CFAP54: variants seen among roughly 807,000 people sequenced by gnomAD.
CFAP54 encodes cilia- and flagella-associated protein 54.
In CFAP54, 290 loss-of-function variants were observed where a neutral mutation model predicts 370.4. That is an observed-to-expected ratio of 0.78 (90% CI 0.71 to 0.86). The LOEUF (loss-of-function observed/expected upper bound fraction) is 0.86, where lower values mean the gene tolerates loss of function less well. Ranked by LOEUF, CFAP54 falls within the 40% of genes least tolerant of loss-of-function variation. The pLI, the probability that CFAP54 is intolerant of heterozygous loss-of-function variation, is 0.00. For missense variants in CFAP54, 3,399 were observed against 3,528.7 expected, an observed-to-expected ratio of 0.96 and a Z score of 0.93; for synonymous variants, 1,206 against 1,236.5, an observed-to-expected ratio of 0.98 and a Z score of 0.52.
At chr12:96,539,224 C>G (rs948755421) in intron 13 of CFAP54, among the ~76,000 whole-genome samples, 5 of 150,740 alleles carry the variant, frequency 3.3e-5, no homozygotes, top group Non-Finnish European at 7.4e-5. Flanking sequence ...CCACGGCCGG[C>G]TAATTTTTGT....
chr12:96,535,369 A>T (rs1376157315), intron 11 of CFAP54, 146 bp from the exon 12 acceptor site: 6 of 610,870 alleles, frequency 9.8e-6, no homozygotes, highest in Non-Finnish European at 1.7e-5. Flanking sequence ...TTTCATATAG[A>T]AGTATTTAAC....
At chr12:96,775,391 T>C (rs1036420967) in intron 60 of CFAP54, among the ~76,000 whole-genome samples, 11 of 152,154 alleles carry the variant, frequency 7.2e-5, no homozygotes, top group Non-Finnish European at 2.9e-5. Context: ...ATGGCGCTAC[T>C]GCACTCCAGC....
In CFAP54 at chr12:96,859,684, C is replaced by T. The variant is rs570916933; in HGVS notation, c.9172-1135C>T. 1.3e-3 allele frequency among the ~76,000 whole-genome samples: 194 copies of T among 152,278 alleles called. 1 individual carries two copies. The highest frequency in any genetic ancestry group is 2.3e-3 in the African/African-American group (95 of 41,562). ...CCTCCCAAAGTGTTGGGATTACAGG[C>T]GTGAGCCACCACACCTGACCCCAGG... On this transcript the variant is annotated intron_variant, in intron 66 of 67. Coordinates refer to ENST00000524981, the MANE Select transcript of CFAP54 (RefSeq NM_001306084.2).
rs898315281 is a variant in CFAP54 at position 96,564,640 on chromosome 12, A to G, written c.2498-4A>G. 17 of 642,290 alleles carry G rather than the reference A, an allele frequency of 2.6e-5. No homozygotes were observed. The highest frequency in any genetic ancestry group is 3.4e-4 in the Middle Eastern group (1 of 2,944). 39.8% of individuals were successfully genotyped at this position (642,290 alleles called of 1,614,324 possible). ...CCTTTTTGGTAAAATGTTTGTTTTT[A>G]TAGAATTAAATATAATGAATAAAAT... On this transcript the variant is annotated splice_polypyrimidine_tract_variant and splice_region_variant and intron_variant, in intron 18 of 67. Coordinates refer to ENST00000524981, the MANE Select transcript of CFAP54 (RefSeq NM_001306084.2).
chr12:96,652,198 A>G (rs1192904145), intron 36 of CFAP54, among the ~76,000 whole-genome samples: 1 of 152,182 alleles, frequency 6.6e-6, no homozygotes, highest in African/African-American at 2.4e-5. Context: ...GTCCTGTTCT[A>G]TTATTCTGGT....
intron 26 of CFAP54, among the ~76,000 whole-genome samples, chr12:96,605,174 C>T (rs936160174): frequency 6.6e-6 from 1 of 152,070 alleles, no homozygotes; most frequent in African/African-American, 2.4e-5. Flanking sequence ...TTTGTTTAAA[C>T]CCTAAAACAT....
intron 8 of CFAP54, among the ~76,000 whole-genome samples, chr12:96,523,642 T>G (rs1427700570): frequency 6.6e-6 from 1 of 152,148 alleles, no homozygotes; most frequent in East Asian, 1.9e-4. Flanking sequence ...GCTGCCTGCA[T>G]CTGGTATTAA....
At position 96,580,566 on chromosome 12, in the gene CFAP54, T is replaced by A. The variant is rs574223069; in HGVS notation, c.2797-31T>A. 8.7e-6 allele frequency: 12 copies of A among 1,382,114 alleles called. No homozygotes were observed. The East Asian group carries it at 3.2e-4, about 37-fold the overall frequency. The allele number at this position is 1,382,114 out of a possible 1,614,324, so 85.6% of individuals were successfully genotyped here. The stretch of plus-strand genomic sequence containing the variant: ...TGTTACATTGATATAAAAGAATGCC[T>A]TTTAAACAGGCTCATTTTTCTCGTC... On this transcript the variant is annotated intron_variant, in intron 20 of 67. Transcript: ENST00000524981.
chr12:96,617,145 T>G (rs1592886573), intron 26 of CFAP54, among the ~76,000 whole-genome samples: 1 of 152,218 alleles, frequency 6.6e-6, no homozygotes, highest in East Asian at 1.9e-4. Flanking sequence ...CATTGAACCC[T>G]GCATGAGGAG....
intron 48 of CFAP54, among the ~76,000 whole-genome samples, chr12:96,714,450 T>C (rs1957651999): frequency 6.6e-6 from 1 of 152,150 alleles, no homozygotes; most frequent in South Asian, 2.1e-4. Context: ...GTCATCTCCA[T>C]GGCAATGAGT....
chr12:96,526,068 G>A (rs1051186872), intron 8 of CFAP54, among the ~76,000 whole-genome samples: 2 of 152,214 alleles, frequency 1.3e-5, no homozygotes, highest in African/African-American at 4.8e-5. Context: ...GTGCTTGCGG[G>A]AAAGTAGTTC....
chr12:96,725,636 C>T (rs928341944), intron 50 of CFAP54, among the ~76,000 whole-genome samples: 1 of 152,306 alleles, frequency 6.6e-6, no homozygotes, highest in East Asian at 1.9e-4. Flanking sequence ...GACAATTTGA[C>T]TTCTTATTTT....
At chr12:96,807,017 G>C (rs1267059214) in intron 63 of CFAP54, among the ~76,000 whole-genome samples, 1 of 152,094 alleles carries the variant, frequency 6.6e-6, no homozygotes, top group Non-Finnish European at 1.5e-5. Flanking sequence ...GTGAAGCACT[G>C]GTCTGTGCCG....
intron 50 of CFAP54, among the ~76,000 whole-genome samples, chr12:96,731,279 T>C (rs1434867322): frequency 6.6e-6 from 1 of 152,222 alleles, no homozygotes; most frequent in Non-Finnish European, 1.5e-5. Flanking sequence ...TCCCTATCCT[T>C]GGATATATAT....
rs1208990357 is a variant in CFAP54, at chr12:96,647,641, G to C, written c.4548-234G>C. On this transcript the variant is annotated intron_variant, in intron 33 of 67. Coordinates refer to ENST00000524981, the MANE Select transcript of CFAP54 (RefSeq NM_001306084.2). ...CAGATATTTTTATTCCCATTTTCAA[G>C]AGCCCTTTCAGAGAAATATATATTG... is the stretch of plus-strand genomic sequence containing the variant. Among the ~76,000 whole-genome samples the C allele has an allele frequency of 2.6e-5, 4 of 151,992 alleles. No individual in the cohort carries two copies. The East Asian group carries it at 7.7e-4, about 29-fold the overall frequency.
rs557664140 is a variant in CFAP54, at chr12:96,684,795, A to G, written c.5804+60A>G. 6.9e-5 allele frequency: 95 copies of G among 1,377,828 alleles called. No homozygotes were observed. In the Admixed American group the frequency reaches 1.7e-3, roughly 25 times the overall value. 85.4% of individuals were successfully genotyped at this position (1,377,828 alleles called of 1,614,324 possible). ...GGTTTTTTATTTGCTTGTTTGAAGA[A>G]GTTTTTAATGAAAAAACATTGTCTT... is the stretch of plus-strand genomic sequence containing the variant. On this transcript the variant is annotated intron_variant, in intron 41 of 67. Transcript: ENST00000524981.
intron 66 of CFAP54, among the ~76,000 whole-genome samples, chr12:96,832,468 C>T (rs1282348610): frequency 1.3e-5 from 2 of 151,882 alleles, no homozygotes; most frequent in African/African-American, 2.4e-5. Context: ...TAAAAAAGTA[C>T]AAATTCCAAC....
At chr12:96,712,449 C>T (rs1403708956) in intron 48 of CFAP54, among the ~76,000 whole-genome samples, 4 of 151,758 alleles carry the variant, frequency 2.6e-5, no homozygotes, top group Non-Finnish European at 5.9e-5. Flanking sequence ...TTTTTATATA[C>T]ACATAAAATG....
At chr12:96,490,159 A>G (rs1954863740) in intron 1 of CFAP54, among the ~76,000 whole-genome samples, 1 of 152,208 alleles carries the variant, frequency 6.6e-6, no homozygotes, top group African/African-American at 2.4e-5. Context: ...ATAAAAATCT[A>G]CACAGAAATG....
Sources: gnomAD v4.1 joint callset for allele counts (sites outside exome capture counted in the v4.1 genomes callset) on GRCh38, gnomAD v4.1.1 for gene constraint, MANE v1.5 for transcripts, NCBI Gene and HGNC (gene_info 2026-07-23, HGNC 2026-07-21) for gene names.